The following PARD3B variants were observed in gnomAD, a reference collection of about 807,000 sequenced individuals.
The protein encoded by PARD3B is partitioning defective 3 homolog B.
In PARD3B, 103 loss-of-function variants were observed where a neutral mutation model predicts 130.2. The ratio of observed to expected loss-of-function variants is 0.79; its 90% CI spans 0.67 to 0.93. The LOEUF is 0.93. Ranked by LOEUF, PARD3B falls within the 40% of genes least tolerant of loss-of-function variation. The pLI, the probability that PARD3B is intolerant of heterozygous loss-of-function variation, is 0.00. For synonymous variants in PARD3B, 583 were observed against 553.2 expected (o/e 1.05, Z -0.76); for missense variants, 1,609 against 1,499.2 (o/e 1.07, Z -1.21).
intron 21 of PARD3B, among the ~76,000 whole-genome samples, chr2:205,549,485 A>G (rs1374826012): frequency 6.6e-6 from 1 of 152,208 alleles, no homozygotes; most frequent in East Asian, 1.9e-4. Context: ...AAGCCATGAA[A>G]AAGCATGGAG....
chr2:205,036,979 T>A (rs1697984042), intron 3 of PARD3B, among the ~76,000 whole-genome samples: 2 of 149,660 alleles, frequency 1.3e-5, no homozygotes, highest in South Asian at 4.2e-4. Context: ...ACTGTATATA[T>A]AAAAAACATA....
Position 205,091,327 on chromosome 2 carries a change from A to C in PARD3B, c.505-13099A>C, listed in dbSNP as rs1702092131. Reference sequence around the variant, plus strand: ...ATAATTTTGCCGTGGCACAAACTGCATCATTTACACTGGGAGGTTTGTATG... The same window carrying C: ...ATAATTTTGCCGTGGCACAAACTGCCTCATTTACACTGGGAGGTTTGTATG... On this transcript the variant is annotated intron_variant, in intron 4 of 22. Transcript: ENST00000406610. This position sits in a 1 kb window ranked among gnomAD's most constrained non-coding sequence, Gnocchi z 4.2. Among the ~76,000 whole-genome samples, 2 of 152,194 alleles carry C rather than the reference A, an allele frequency of 1.3e-5. No individual in the cohort carries two copies. The highest frequency in any genetic ancestry group is 6.5e-5 in the Admixed American group (1 of 15,278).
At chr2:204,929,947 G>A (rs746705591) in intron 2 of PARD3B, among the ~76,000 whole-genome samples, 1 of 151,864 alleles carries the variant, frequency 6.6e-6, no homozygotes, top group African/African-American at 2.4e-5. Context: ...GAAAATCTGG[G>A]TGTATTTTTA....
chr2:204,980,068 C>G (rs959907285), intron 3 of PARD3B, among the ~76,000 whole-genome samples: 12 of 152,162 alleles, frequency 7.9e-5, no homozygotes, highest in African/African-American at 2.7e-4. Flanking sequence ...GAAATTTTAA[C>G]ACATCTGTCT....
intron 2 of PARD3B, among the ~76,000 whole-genome samples, chr2:204,948,422 C>G (rs1348520954): frequency 6.6e-6 from 1 of 152,214 alleles, no homozygotes; most frequent in Non-Finnish European, 1.5e-5. Flanking sequence ...CTACATTTGT[C>G]AAGTTTAGCT....
rs561395877 is a variant in PARD3B at position 204,874,766 on chromosome 2, C to G, written c.223-90386C>G. Among the ~76,000 whole-genome samples, 3 of 152,238 alleles carry G rather than the reference C, an allele frequency of 2.0e-5. No individual in the cohort carries two copies. In the South Asian group the frequency reaches 6.2e-4, roughly 32 times the overall value. On this transcript the variant is annotated intron_variant, in intron 2 of 22. Transcript: ENST00000406610. ...AGTTCTTCCCCACCCCTGAGGCAAA[C>G]ACTGCTCTGATTTCTATAATATCAC...
In PARD3B at chr2:205,249,016, T is replaced by G. The variant is rs1012194275; in HGVS notation, c.2185+3194T>G. Among the ~76,000 whole-genome samples, 19 of 145,930 alleles carry G rather than the reference T, an allele frequency of 1.3e-4. No homozygotes were observed. The East Asian group carries it at 1.4e-3, about 11-fold the overall frequency. ...TAGGTTAAAATAAGAGTTTTTTTTT[T>G]TTTTTTTTTTTGAGACAGATTCTCC... On this transcript the variant is annotated intron_variant, in intron 16 of 22. Coordinates refer to ENST00000406610, the MANE Select transcript of PARD3B (RefSeq NM_001302769.2).
intron 2 of PARD3B, among the ~76,000 whole-genome samples, chr2:204,854,044 G>A (rs561280460): frequency 6.6e-6 from 1 of 152,102 alleles, no homozygotes. Context: ...TTTTGGTAGA[G>A]AGAGGAGCAT....
rs2042291957 is a variant in PARD3B, at chr2:205,309,247, T to TA, written c.2630+7546_2630+7547insA. 2.0e-5 allele frequency among the ~76,000 whole-genome samples: 3 copies of TA among 152,166 alleles called. No individual in the cohort carries two copies. Among genetic ancestry groups the TA allele is most frequent in the African/African-American group, 7.2e-5 (3 of 41,434 alleles). On this transcript the variant is annotated intron_variant, in intron 18 of 22. Transcript: ENST00000406610. The surrounding 1 kb of genome is among the most constrained non-coding windows in gnomAD (Gnocchi z 4.7). ...GTAAATGGTGAACTTGGTTTACAGG[T>TA]GATTGGATCAACTCTGTTCCTCCTA...
chr2:204,999,919 C>A (rs552524769), intron 3 of PARD3B, among the ~76,000 whole-genome samples: 1 of 152,048 alleles, frequency 6.6e-6, no homozygotes, highest in Non-Finnish European at 1.5e-5. Context: ...GAAAAATGAT[C>A]TATTTACTTA....
rs916178843 is a variant in PARD3B at position 204,719,792 on chromosome 2, C to T, written c.222+33510C>T. Among the ~76,000 whole-genome samples the T allele has an allele frequency of 6.0e-5, 9 of 150,788 alleles. No homozygotes were observed. The South Asian group carries it at 1.0e-3, about 18-fold the overall frequency. On this transcript the variant is annotated intron_variant, in intron 2 of 22. Transcript: ENST00000406610. ...GTGCCACTGAATTAGGTAAATAATA[C>T]CTTTCACAGAAGATAAGTTAAATTA...
At chr2:204,777,284 A>G (rs1479525851) in intron 2 of PARD3B, among the ~76,000 whole-genome samples, 2 of 152,156 alleles carry the variant, frequency 1.3e-5, no homozygotes, top group Non-Finnish European at 2.9e-5. Flanking sequence ...TGAACATTTA[A>G]AAGTATTGTG....
At chr2:205,088,991 C>T (rs572464934) in intron 4 of PARD3B, among the ~76,000 whole-genome samples, 6 of 151,560 alleles carry the variant, frequency 4.0e-5, no homozygotes, top group East Asian at 2.0e-4. Context: ...TTAGTAGAGA[C>T]GGGGTTTCAC....
chr2:204,916,723 CT>C lies in PARD3B; in HGVS notation c.223-48427del, dbSNP rs144877769. Among the ~76,000 whole-genome samples, 1,046 of 152,006 alleles carry C rather than the reference CT, an allele frequency of 6.9e-3. 42 individuals are homozygous for C. In the East Asian group the frequency reaches 0.12, roughly 17 times the overall value. On this transcript the variant is annotated intron_variant, in intron 2 of 22. Transcript: ENST00000406610. ...TTTATCCATTTGTTCATGGAGTTCC[CT>C]TAATGAGCAAGAATGCCACATACTC...
chr2:204,868,737 T>G (rs2045519723), intron 2 of PARD3B, among the ~76,000 whole-genome samples: 1 of 152,206 alleles, frequency 6.6e-6, no homozygotes, highest in African/African-American at 2.4e-5. Context: ...TGTAGTATAT[T>G]TAAGTTCAAA....
intron 2 of PARD3B, among the ~76,000 whole-genome samples, chr2:204,747,615 G>A (rs1053774922): frequency 2.0e-5 from 3 of 152,104 alleles, no homozygotes; most frequent in Non-Finnish European, 4.4e-5. Flanking sequence ...AGCCCACATT[G>A]CGAAGGTGAT....
chr2:205,310,083 C>CTTT (rs34247571), intron 18 of PARD3B, among the ~76,000 whole-genome samples: 12 of 124,328 alleles, frequency 9.7e-5, no homozygotes, highest in African/African-American at 1.6e-4. Context: ...AAAATCTACT[C>CTTT]TTTTTTTTTT....
chr2:205,089,029 T>C (rs934668523), intron 4 of PARD3B, among the ~76,000 whole-genome samples: 1 of 151,938 alleles, frequency 6.6e-6, no homozygotes, highest in African/African-American at 2.4e-5. Context: ...TGTCAGTCTC[T>C]TGGCCTCGTG....
At chr2:205,040,285 C>A (rs183118258) in intron 3 of PARD3B, among the ~76,000 whole-genome samples, 1 of 152,110 alleles carries the variant, frequency 6.6e-6, no homozygotes, top group Non-Finnish European at 1.5e-5. Context: ...TATTGGCTAT[C>A]TAAATTAGAA....
Sources: gnomAD v4.1 joint callset for allele counts (sites outside exome capture counted in the v4.1 genomes callset) on GRCh38, gnomAD v4.1.1 for gene constraint, Gnocchi (gnomAD v3.1) non-coding constraint, MANE v1.5 for transcripts, NCBI Gene and HGNC (gene_info 2026-07-23, HGNC 2026-07-21) for gene names.